The following POMT2 variants were observed in gnomAD, a reference collection of about 807,000 sequenced individuals.
POMT2 encodes protein O-mannosyltransferase 2, also known as protein O-mannosyl-transferase 2.
A neutral mutation model predicts 100.0 loss-of-function variants in POMT2; 75 were observed. The ratio of observed to expected loss-of-function variants is 0.75; its 90% CI spans 0.62 to 0.91. The LOEUF is 0.91. POMT2 is among the 40% of genes least tolerant of loss of function. The pLI is 0.00. For missense variants in POMT2, 940 were observed against 955.1 expected (o/e 0.98, Z 0.21); for synonymous variants, 378 against 374.1 (o/e 1.01, Z -0.12).
Position 77,320,484 on chromosome 14 carries a change from C to T in POMT2, c.198G>A (p.Leu66=), listed in dbSNP as rs1227022915. The T allele has an allele frequency of 1.9e-6, 3 of 1,545,482 alleles. No individual in the cohort carries two copies. The South Asian group carries it at 3.6e-5, about 18-fold the overall frequency. The part of the protein sequence containing the change: ...GWWALLALVT[L]LSFATRFHRL... ...GGTGGAAGCGGGTGGCGAAGGACAG[C>T]AGCGTCACCAAGGCCAGCAGGGCCC... The change falls in exon 1 of 21, where the codon CTG becomes CTA. Residue 66 remains leucine (L), a synonymous_variant. Transcript: ENST00000261534.
rs1594884932 is a variant in POMT2, at chr14:77,279,821, A to G, written c.1891+2T>C. The G allele has an allele frequency of 3.1e-6, 5 of 1,612,710 alleles. No individual in the cohort carries two copies. The South Asian group carries it at 5.5e-5, about 18-fold the overall frequency. ...GGGGAGGGAGAGCCCAGAGGACCTG[A>G]CCTGCAACCTCCGCTGGCAGCCGTG... On this transcript the variant is annotated splice_donor_variant, in intron 18 of 20. Coordinates refer to ENST00000261534, the MANE Select transcript of POMT2 (RefSeq NM_013382.7). LOFTEE classifies it high-confidence loss of function.
intron 1 of POMT2, 168 bp downstream of exon 1, chr14:77,320,266 T>A: frequency 8.7e-7 from 1 of 1,152,202 alleles, no homozygotes; most frequent in Non-Finnish European, 1.2e-6. Flanking sequence ...ACGATCCCCC[T>A]CCCAGAGAAT....
intron 1 of POMT2, 23 bp downstream of exon 1, chr14:77,320,411 G>A: frequency 1.3e-6 from 2 of 1,545,508 alleles, no homozygotes; most frequent in African/African-American, 1.4e-5. Flanking sequence ...CATGGTGCCC[G>A]CCGAGTCCCT....
chr14:77,278,900 G>T, intron 18 of POMT2, 31 bp from the exon 19 acceptor site: 1 of 1,607,818 alleles, frequency 6.2e-7, no homozygotes, highest in Non-Finnish European at 8.5e-7. Context: ...CCAGTCAGAA[G>T]ACAAGGAGCG....
chr14:77,315,798 G>A (rs545193721), intron 1 of POMT2, among the ~76,000 whole-genome samples: 108 of 152,332 alleles, frequency 7.1e-4, no homozygotes, highest in African/African-American at 2.4e-3. Context: ...GATCACCTGA[G>A]GTCAGGAGTT....
chr14:77,304,122 T>C (rs1294517439), intron 4 of POMT2, among the ~76,000 whole-genome samples: 1 of 152,190 alleles, frequency 6.6e-6, no homozygotes, highest in Non-Finnish European at 1.5e-5. Flanking sequence ...CCATTTAAAT[T>C]GGTCTAGACT....
At chr14:77,318,776 C>T (rs1891718364) in intron 1 of POMT2, among the ~76,000 whole-genome samples, 1 of 147,022 alleles carries the variant, frequency 6.8e-6, no homozygotes, top group Admixed American at 6.8e-5. Flanking sequence ...GGCTTTGTCG[C>T]CTAGGCTGGA....
chr14:77,312,938 A>G (rs573792451), intron 1 of POMT2, among the ~76,000 whole-genome samples: 2 of 152,336 alleles, frequency 1.3e-5, no homozygotes, highest in East Asian at 3.9e-4. Context: ...CTAAATTAAG[A>G]CCACATCTAA....
intron 4 of POMT2, among the ~76,000 whole-genome samples, chr14:77,303,309 A>T (rs1891117131): frequency 6.6e-6 from 1 of 152,096 alleles, no homozygotes. Flanking sequence ...CTATGATAGA[A>T]TCTTATCATT....
chr14:77,308,178 TA>T (rs1449425031), intron 2 of POMT2, among the ~76,000 whole-genome samples: 2 of 151,270 alleles, frequency 1.3e-5, no homozygotes, highest in African/African-American at 2.4e-5. Context: ...ATTTCTTAAC[TA>T]AACAACTCTT....
chr14:77,297,068 C>A lies in POMT2; in HGVS notation c.1007-795G>T, dbSNP rs530168844. On this transcript the variant is annotated intron_variant, in intron 8 of 20. Transcript: ENST00000261534. ...TGGTGGGAATGGTGGGAACTCGGAA[C>A]AGGCCAAATTCTCTCCCAAGGATTA... Among the ~76,000 whole-genome samples, 5 of 152,370 alleles carry A rather than the reference C, an allele frequency of 3.3e-5. No homozygotes were observed. The South Asian group carries it at 1.0e-3, about 32-fold the overall frequency.
intron 9 of POMT2, among the ~76,000 whole-genome samples, chr14:77,294,526 G>A (rs1890753600): frequency 6.6e-6 from 1 of 152,198 alleles, no homozygotes; most frequent in Non-Finnish European, 1.5e-5. Context: ...GTTTCACCAT[G>A]TTGGCCAGGC....
intron 11 of POMT2, 22 bp from the exon 12 acceptor site, chr14:77,286,844 T>C: frequency 1.9e-6 from 3 of 1,614,154 alleles, no homozygotes; most frequent in South Asian, 1.1e-5. Flanking sequence ...AAAAGAGAAG[T>C]GTCATTATCC....
intron 1 of POMT2, among the ~76,000 whole-genome samples, chr14:77,313,673 G>A (rs905723166): frequency 2.6e-5 from 4 of 152,092 alleles, no homozygotes; most frequent in African/African-American, 9.7e-5. Flanking sequence ...CTAACAAAAG[G>A]ATTCCAGTTT....
chr14:77,289,769 G>A (rs1890574138), intron 10 of POMT2, among the ~76,000 whole-genome samples: 1 of 152,176 alleles, frequency 6.6e-6, no homozygotes, highest in Admixed American at 6.5e-5. Flanking sequence ...GACTACTTCT[G>A]TATCATCTCA....
chr14:77,279,896 G>A lies in POMT2; in HGVS notation c.1818C>T (p.Ala606=). Residue 606 remains alanine (A), a synonymous_variant, in exon 18 of 21, where the codon GCC becomes GCT. Transcript: ENST00000261534. ...TGATGCTCCCTGAGAGGAGGTAGAG[G>A]GCGATGCTCAACAGATTCAGCCACC... ...VVWWLNLLSI[A]LYLLSGSIIA... 1 of 1,614,110 alleles carries A rather than the reference G, an allele frequency of 6.2e-7. No individual in the cohort carries two copies. Among genetic ancestry groups the A allele is most frequent in the Non-Finnish European group, 8.5e-7 (1 of 1,180,016 alleles).
chr14:77,287,238 C>G (rs1317836689), intron 11 of POMT2: 1 of 212,118 alleles, frequency 4.7e-6, no homozygotes, highest in African/African-American at 2.3e-5. Context: ...CTTACTCTTT[C>G]TGCTCCCATC....
In POMT2 at chr14:77,311,949, C is replaced by T; in HGVS notation, c.333G>A (p.Lys111=). The T allele has an allele frequency of 6.2e-7, 1 of 1,614,062 alleles. No individual in the cohort carries two copies. The highest frequency in any genetic ancestry group is 8.5e-7 in the Non-Finnish European group (1 of 1,179,972). Residue 111 remains lysine, a splice_region_variant and synonymous_variant, in exon 2 of 21, where the codon AAG becomes AAA. Transcript: ENST00000261534. ...AGCTGCTATTCACCACACTGCTCAC[C>T]TTTCCCAGGGGCGGGTGCACATCAA... is the stretch of plus-strand genomic sequence containing the variant. ...FFFDVHPPLG[K]MLIGLAGYLS... is the part of the protein sequence containing the mutation.
intron 6 of POMT2, 70 bp from the exon 7 acceptor site, chr14:77,299,631 A>G (rs1040498432): frequency 1.8e-5 from 20 of 1,117,506 alleles, no homozygotes; most frequent in African/African-American, 4.6e-5. Context: ...CTATGCATGC[A>G]TTATATATAG....
Sources: allele counts gnomAD v4.1 joint callset (sites outside exome capture counted in the v4.1 genomes callset), GRCh38; gene constraint gnomAD v4.1.1; transcripts MANE v1.5; gene names NCBI Gene and HGNC (gene_info 2026-07-23, HGNC 2026-07-21).